Variants in GRIN1 observed in about 807,000 individuals in gnomAD.
GRIN1 encodes glutamate receptor ionotropic, NMDA 1.
Under a neutral mutation model 103.0 loss-of-function variants are expected in GRIN1, and 38 were observed. That is an observed-to-expected ratio of 0.37 (90% CI 0.28 to 0.48). The LOEUF (loss-of-function observed/expected upper bound fraction) is 0.48, where lower values mean the gene tolerates loss of function less well. Among genes scored for constraint, GRIN1 ranks in the 20% least tolerant of loss-of-function variants. The pLI, the probability that GRIN1 is intolerant of heterozygous loss-of-function variation, is 0.98. For synonymous variants in GRIN1, 544 were observed against 532.7 expected (o/e 1.02, Z -0.29); for missense variants, 577 against 1,288.9 (o/e 0.45, Z 8.46).
chr9:137,165,369 A>C (rs183129261), intron 19 of GRIN1, 73 bp downstream of exon 19: 3 of 960,734 alleles, frequency 3.1e-6, no homozygotes, highest in Non-Finnish European at 3.4e-6. Flanking sequence ...CCGCCCCATC[A>C]CCCCGCCCCG....
chr9:137,162,920 G>A lies in GRIN1; in HGVS notation c.2088G>A (p.Gln696=). 1 of 1,610,734 alleles carries A rather than the reference G, an allele frequency of 6.2e-7. No homozygotes were observed. The highest frequency in any genetic ancestry group is 8.5e-7 in the Non-Finnish European group (1 of 1,179,100). Residue 696 remains glutamine (Q), a synonymous_variant, in exon 15 of 20, where the codon CAG becomes CAA. Transcript: ENST00000371561. ...QSSVDIYFRR[Q]VELSTMYRHM... The stretch of plus-strand genomic sequence containing the variant: ...CCGTGGATATCTACTTCCGGCGCCA[G>A]GTGGAGCTGAGCACCATGTACCGGC...
intron 18 of GRIN1, 177 bp downstream of exon 18, chr9:137,164,081 GC>G (rs1042177777): frequency 1.3e-6 from 1 of 778,934 alleles, no homozygotes; most frequent in Non-Finnish European, 2.2e-6. Flanking sequence ...CCGGTGGGGG[GC>G]TGCCTGCAGG....
chr9:137,149,092 C>T lies in GRIN1; in HGVS notation c.654C>T (p.Val218=), dbSNP rs200021221. ...LMEAKELEAR[V]IILSASEDDA... is the part of the protein sequence containing the mutation. ...AGGCGAAAGAGCTGGAGGCCCGGGTCATCATCCTTTCTGCCAGGTGAGGCT... is the reference window on the plus strand; with the variant it reads ...AGGCGAAAGAGCTGGAGGCCCGGGTTATCATCCTTTCTGCCAGGTGAGGCT... The change falls in exon 4 of 20, where the codon GTC becomes GTT. Residue 218 remains valine, a synonymous_variant. Transcript: ENST00000371561. 21 of 1,610,320 alleles carry T rather than the reference C, an allele frequency of 1.3e-5. No individual in the cohort carries two copies. Among genetic ancestry groups the T allele is most frequent in the Non-Finnish European group, 1.7e-5 (20 of 1,177,682 alleles).
In GRIN1 at chr9:137,162,385, C is replaced by T. The variant is rs1212986719; in HGVS notation, c.1752-19C>T. On this transcript the variant is annotated intron_variant, in intron 12 of 19. Transcript: ENST00000371561. ...CGCCTCTCCCGCCCTCTCTCCCGCC[C>T]GCCCTCTGCGCCCCGCAGCCCCTTC... is the stretch of plus-strand genomic sequence containing the variant. 1.3e-6 allele frequency: 2 copies of T among 1,587,824 alleles called. No individual in the cohort carries two copies. Among genetic ancestry groups the T allele is most frequent in the South Asian group, 1.1e-5 (1 of 89,740 alleles).
rs543160973 is a variant in GRIN1, at chr9:137,154,432, C to CTTTTTTTT, written c.672-2205_672-2198dup. On this transcript the variant is annotated intron_variant, in intron 4 of 19. Coordinates refer to ENST00000371561, the MANE Select transcript of GRIN1 (RefSeq NM_007327.4). ...CAGCCACCACCCCCAGCTCCAACAACTTTTTTTTTTTTTTTTTTTTTTTTT... is the reference window on the plus strand; with the variant it reads ...CAGCCACCACCCCCAGCTCCAACAACTTTTTTTTTTTTTTTTTTTTTTTTTTTTTTTTT... Among the ~76,000 whole-genome samples, 14 of 43,010 alleles carry CTTTTTTTT rather than the reference C, an allele frequency of 3.3e-4. 3 individuals carry two copies. The highest frequency in any genetic ancestry group is 9.4e-4 in the African/African-American group (10 of 10,622). 28.2% of individuals were successfully genotyped at this position (43,010 alleles called of 152,430 possible).
At chr9:137,163,476 G>GCCCCCC in intron 16 of GRIN1, 83 bp from the exon 17 acceptor site, 2 of 1,338,068 alleles carry the variant, frequency 1.5e-6, no homozygotes, top group Non-Finnish European at 2.1e-6. Flanking sequence ...TACCCCGCAG[G>GCCCCCC]CCCCGCCCCG....
chr9:137,148,578 G>A (rs918657661), intron 3 of GRIN1, among the ~76,000 whole-genome samples: 2 of 152,214 alleles, frequency 1.3e-5, no homozygotes, highest in Admixed American at 6.5e-5. Context: ...AGGGGCCTGC[G>A]GAATCAAACC....
chr9:137,150,687 GAAA>G (rs749479976), intron 4 of GRIN1, among the ~76,000 whole-genome samples: 6 of 124,474 alleles, frequency 4.8e-5, no homozygotes, highest in Non-Finnish European at 6.6e-5. Context: ...GCCCCGCCCA[GAAA>G]AAAAGACCTG....
Position 137,163,301 on chromosome 9 carries a change from G to A in GRIN1, c.2304G>A (p.Trp768Ter), listed in dbSNP as rs1833662712. ...FGIGMRKDSP[W>*]KQNVSLSILK... The stretch of plus-strand genomic sequence containing the variant: ...TAGGCATGCGCAAAGACAGCCCCTG[G>A]AAGCAGAACGTCTCCCTGTCCATCC... Residue 768 changes from tryptophan (W) to a stop codon, truncating the protein, a stop_gained, in exon 16 of 20, where the codon TGG (tryptophan) becomes TGA (stop). Transcript: ENST00000371561. LOFTEE classifies it high-confidence loss of function. 1 of 1,613,614 alleles carries A rather than the reference G, an allele frequency of 6.2e-7. No individual in the cohort carries two copies. The highest frequency in any genetic ancestry group is 8.5e-7 in the Non-Finnish European group (1 of 1,179,950).
intron 18 of GRIN1, 113 bp downstream of exon 18, chr9:137,164,017 C>T (rs753769322): frequency 1.5e-6 from 2 of 1,302,246 alleles, no homozygotes; most frequent in South Asian, 2.4e-5. Flanking sequence ...AGGACTGGAG[C>T]TAGGAGCCAT....
rs957684927 is a variant in GRIN1, at chr9:137,162,225, G to A, written c.1686G>A (p.Leu562=). ...TCATGCAGCCGTTCCAGAGCACACT[G>A]TGGCTGCTGGTGGGGCTGTCGGTGC... ...DSFMQPFQST[L]WLLVGLSVHV... Residue 562 remains leucine, a synonymous_variant, in exon 12 of 20, where the codon CTG becomes CTA. Coordinates refer to ENST00000371561, the MANE Select transcript of GRIN1 (RefSeq NM_007327.4). 1 of 1,544,114 alleles carries A rather than the reference G, an allele frequency of 6.5e-7. No homozygotes were observed. Among genetic ancestry groups the A allele is most frequent in the Non-Finnish European group, 8.7e-7 (1 of 1,149,374 alleles).
intron 10 of GRIN1, 90 bp downstream of exon 10, chr9:137,161,506 AGATG>A: frequency 1.1e-6 from 1 of 903,496 alleles, no homozygotes. Flanking sequence ...CGGGGCTTGC[AGATG>A]GTGGGGGGTC....
Position 137,161,049 on chromosome 9 carries a change from C to A in GRIN1, c.1198-7C>A, listed in dbSNP as rs202163066. 6.2e-7 allele frequency: 1 copy of A among 1,612,642 alleles called. No individual in the cohort carries two copies. Among genetic ancestry groups the A allele is most frequent in the Non-Finnish European group, 8.5e-7 (1 of 1,179,856 alleles). On this transcript the variant is annotated splice_region_variant and splice_polypyrimidine_tract_variant and intron_variant, in intron 8 of 19. Transcript: ENST00000371561. ...TGGTCCAGGCTGGGTCTCCCCTTCCCCCCCAGATTGTGACGATCCACCAGG... is the reference window on the plus strand; with the variant it reads ...TGGTCCAGGCTGGGTCTCCCCTTCCACCCCAGATTGTGACGATCCACCAGG...
At position 137,139,347 on chromosome 9, in the gene GRIN1, C is replaced by T; in HGVS notation, c.-140C>T. 1 of 419,244 alleles carries T rather than the reference C, an allele frequency of 2.4e-6. No homozygotes were observed. The highest frequency in any genetic ancestry group is 3.7e-6 in the Non-Finnish European group (1 of 273,092). 26.0% of individuals were successfully genotyped at this position (419,244 alleles called of 1,614,324 possible). A position where few individuals can be genotyped will look rare whatever the true frequency, so the allele number is the denominator to read the frequency against. The stretch of plus-strand genomic sequence containing the variant: ...GCGCCCCTTCCCTCGGCCGACGTCC[C>T]GGGACCGCCGCTCCGGGGGAGACGT... On this transcript the variant is annotated 5_prime_UTR_variant, in exon 1 of 20. Coordinates refer to ENST00000371561, the MANE Select transcript of GRIN1 (RefSeq NM_007327.4). This position sits in a 1 kb window ranked among gnomAD's most constrained non-coding sequence, Gnocchi z 7.7.
In GRIN1 at chr9:137,158,719, G is replaced by C. The variant is rs774479091; in HGVS notation, c.1197+15G>C. 5.0e-6 allele frequency: 8 copies of C among 1,595,182 alleles called. No individual in the cohort carries two copies. The highest frequency in any genetic ancestry group is 6.9e-6 in the Non-Finnish European group (8 of 1,163,996). On this transcript the variant is annotated intron_variant, in intron 8 of 19. Transcript: ENST00000371561. ...CCAGACTGAAGGTGGGGGCCCCACAGACCTCCCTCAGTGTCCCCACCCCAG... is the reference window on the plus strand; with the variant it reads ...CCAGACTGAAGGTGGGGGCCCCACACACCTCCCTCAGTGTCCCCACCCCAG...
chr9:137,164,199 G>C, intron 18 of GRIN1: 1 of 479,174 alleles, frequency 2.1e-6, no homozygotes, highest in Non-Finnish European at 3.9e-6. Context: ...CATTCCATAG[G>C]AAGGCAATCA....
chr9:137,167,551 C>T lies in GRIN1; in HGVS notation c.*24C>T, dbSNP rs994705966. The T allele has an allele frequency of 9.9e-6, 14 of 1,407,682 alleles. No homozygotes were observed. Among genetic ancestry groups the T allele is most frequent in the Non-Finnish European group, 1.4e-5 (14 of 1,034,422 alleles). 87.2% of individuals were successfully genotyped at this position (1,407,682 alleles called of 1,614,324 possible). On this transcript the variant is annotated 3_prime_UTR_variant, in exon 20 of 20. Coordinates refer to ENST00000371561, the MANE Select transcript of GRIN1 (RefSeq NM_007327.4). The stretch of plus-strand genomic sequence containing the variant: ...GAGACTCCCCGCCCGCCCTCCTCTG[C>T]CCCCTCCCCCGCAGACAGACAGACA...
intron 8 of GRIN1, 139 bp downstream of exon 8, chr9:137,158,843 C>G: frequency 1.4e-6 from 1 of 694,820 alleles, no homozygotes; most frequent in Non-Finnish European, 2.6e-6. Flanking sequence ...CCCCTGGACA[C>G]CGTCCAGCAC....
At chr9:137,145,600 G>C (rs1300191778) in intron 2 of GRIN1, 126 bp from the exon 3 acceptor site, 9 of 693,076 alleles carry the variant, frequency 1.3e-5, no homozygotes, top group Non-Finnish European at 1.7e-5. Flanking sequence ...GTCCCCATGG[G>C]GGTGGGGACA....
Sources: gnomAD v4.1 joint callset for allele counts (sites outside exome capture counted in the v4.1 genomes callset) on GRCh38, gnomAD v4.1.1 for gene constraint, Gnocchi (gnomAD v3.1) non-coding constraint, MANE v1.5 for transcripts, NCBI Gene and HGNC (gene_info 2026-07-23, HGNC 2026-07-21) for gene names.